ZNF676: variants seen among roughly 807,000 people sequenced by gnomAD.
The protein encoded by ZNF676 is zinc finger protein 676.
ZNF676 carries 4 observed loss-of-function variants against 6.0 expected under a neutral mutation model. The ratio of observed to expected loss-of-function variants is 0.67; its 90% CI spans 0.33 to 1.53. The LOEUF (loss-of-function observed/expected upper bound fraction) is 1.53, where lower values mean the gene tolerates loss of function less well. Among genes scored for constraint, ZNF676 ranks in the 40% most tolerant of loss-of-function variants. The probability of loss-of-function intolerance (pLI) is 0.06; values close to 1 mark genes in which losing one functional copy is unlikely to be tolerated. For synonymous variants in ZNF676, 198 were observed against 223.1 expected (o/e 0.89, Z 1.00); for missense variants, 644 against 679.7 (o/e 0.95, Z 0.58).
the ZNF676 span, among the ~76,000 whole-genome samples, chr19:22,233,236 T>G: frequency 6.6e-6 from 1 of 152,208 alleles, no homozygotes. Flanking sequence ...GCTGGTCTCC[T>G]AGGCTCAAGT....
At chr19:22,247,401 T>TA in the ZNF676 span, among the ~76,000 whole-genome samples, 1 of 151,748 alleles carries the variant, frequency 6.6e-6, no homozygotes, top group Non-Finnish European at 1.5e-5. Context: ...CCATCTCTAC[T>TA]AAAAATACAA....
chr19:22,210,662 G>C (rs1908695668), intron 1 of ZNF676, among the ~76,000 whole-genome samples: 2 of 152,314 alleles, frequency 1.3e-5, no homozygotes, highest in South Asian at 4.1e-4. Context: ...TTGTGACTTA[G>C]ATGGTGCTCT....
chr19:22,257,628 T>C, the ZNF676 span, among the ~76,000 whole-genome samples: 2 of 152,168 alleles, frequency 1.3e-5, no homozygotes, highest in East Asian at 1.9e-4. Context: ...TAGCAATGTA[T>C]GTACAGCCCA....
At chr19:22,254,955 TACAATC>T in the ZNF676 span, among the ~76,000 whole-genome samples, 2 of 152,196 alleles carry the variant, frequency 1.3e-5, no homozygotes, top group Non-Finnish European at 2.9e-5. Context: ...AGCTGTATGA[TACAATC>T]ACACATGCAA....
chr19:22,202,930 A>T (rs142362470), intron 1 of ZNF676, among the ~76,000 whole-genome samples: 1 of 152,032 alleles, frequency 6.6e-6, no homozygotes, highest in Non-Finnish European at 1.5e-5. Context: ...CTTTTTGGCT[A>T]TTTACATTTT....
chr19:22,224,816 A>T, the ZNF676 span, among the ~76,000 whole-genome samples: 1 of 152,136 alleles, frequency 6.6e-6, no homozygotes, highest in South Asian at 2.1e-4. Context: ...GAAACATATA[A>T]AGACCTGCTG....
At chr19:22,226,424 A>C in the ZNF676 span, among the ~76,000 whole-genome samples, 2 of 152,164 alleles carry the variant, frequency 1.3e-5, no homozygotes, top group African/African-American at 2.4e-5. Context: ...CTGTTTAAAA[A>C]TCCTGTGCTA....
Position 22,207,158 on chromosome 19 carries a change from C to T in ZNF676, c.3+8474G>A, listed in dbSNP as rs374616676. The stretch of plus-strand genomic sequence containing the variant: ...AAAAAGAGAGGAAGTCAAACTATCC[C>T]TATTTGCAAACAACATGATTCTACA... On this transcript the variant is annotated intron_variant, in intron 1 of 3. Transcript: ENST00000650058. 2.3e-4 allele frequency among the ~76,000 whole-genome samples: 35 copies of T among 152,132 alleles called. No homozygotes were observed. In the East Asian group the frequency reaches 3.5e-3, roughly 15 times the overall value.
rs1316811833 is a variant in ZNF676, at chr19:22,180,145, C to T, written c.1572G>A (p.Lys524=). The change falls in exon 3 of 3, where the codon AAG becomes AAA. Residue 524 remains lysine (K), a synonymous_variant. Coordinates refer to ENST00000397121, the MANE Select transcript of ZNF676 (RefSeq NM_001001411.3). ...AGGGTTTCTCTCCAGTATGAATTAT[C>T]TTATGTTCAGTAAGGATCGAGGACC... ...FSWSSILTEH[K]IIHTGEKPYK... is the part of the protein sequence containing the mutation. 6.2e-7 allele frequency: 1 copy of T among 1,613,688 alleles called. No homozygotes were observed. The highest frequency in any genetic ancestry group is 2.2e-5 in the East Asian group (1 of 44,846).
At chr19:22,233,954 C>T in the ZNF676 span, among the ~76,000 whole-genome samples, 2 of 152,238 alleles carry the variant, frequency 1.3e-5, no homozygotes, top group African/African-American at 2.4e-5. Flanking sequence ...CATCCACATA[C>T]CTCTTCCCCA....
At chr19:22,203,985 A>T (rs991110081) in intron 1 of ZNF676, 2 of 152,190 alleles carry the variant, frequency 1.3e-5, no homozygotes, top group Non-Finnish European at 2.9e-5. Context: ...AATATATCTG[A>T]CAACTTCCAC....
chr19:22,226,247 T>C, the ZNF676 span, among the ~76,000 whole-genome samples: 1 of 152,160 alleles, frequency 6.6e-6, no homozygotes, highest in Non-Finnish European at 1.5e-5. Context: ...TTCTGGGCTC[T>C]CTATTCTGAT....
chr19:22,231,463 A>T, the ZNF676 span, among the ~76,000 whole-genome samples: 1 of 150,968 alleles, frequency 6.6e-6, no homozygotes, highest in Non-Finnish European at 1.5e-5. Context: ...CCAAGATGCA[A>T]CTTGCCTTTC....
At chr19:22,205,031 C>T (rs1299195449) in intron 1 of ZNF676, among the ~76,000 whole-genome samples, 2 of 152,062 alleles carry the variant, frequency 1.3e-5, no homozygotes, top group Admixed American at 6.6e-5. Context: ...AGCCAGGTCT[C>T]TGGACAAGTT....
the ZNF676 span, among the ~76,000 whole-genome samples, chr19:22,233,547 A>AG: frequency 3.0e-4 from 44 of 147,146 alleles, no homozygotes; most frequent in Admixed American, 6.8e-4. Flanking sequence ...CTTGTCTGAA[A>AG]TTTGTTGTTT....
intron 2 of ZNF676, among the ~76,000 whole-genome samples, chr19:22,191,938 T>C (rs2023912750): frequency 1.3e-5 from 2 of 152,218 alleles, no homozygotes. Flanking sequence ...ACTGTGCCAC[T>C]GACAATGCTT....
chr19:22,188,034 C>A (rs2023861349), intron 2 of ZNF676, among the ~76,000 whole-genome samples: 1 of 152,062 alleles, frequency 6.6e-6, no homozygotes, highest in African/African-American at 2.4e-5. Flanking sequence ...CATCCTGATA[C>A]CAAAGCCTGG....
chr19:22,241,145 T>A, the ZNF676 span, among the ~76,000 whole-genome samples: 1 of 151,860 alleles, frequency 6.6e-6, no homozygotes, highest in Admixed American at 6.6e-5. Context: ...TAATCCCTAC[T>A]GGGGGCTGGA....
chr19:22,196,121 G>C (rs1279237595), intron 1 of ZNF676, among the ~76,000 whole-genome samples: 1 of 152,174 alleles, frequency 6.6e-6, no homozygotes, highest in Non-Finnish European at 1.5e-5. Context: ...AGGGGGAAAT[G>C]TTGGGAGCTG....
Sources: gnomAD v4.1 joint callset for allele counts (sites outside exome capture counted in the v4.1 genomes callset) on GRCh38, gnomAD v4.1.1 for gene constraint, MANE v1.5 for transcripts, NCBI Gene and HGNC (gene_info 2026-07-23, HGNC 2026-07-21) for gene names.